The following HAUS8 variants were observed in gnomAD, a reference collection of about 807,000 sequenced individuals.
The protein encoded by HAUS8 is HAUS augmin-like complex subunit 8.
HAUS8 carries 38 observed loss-of-function variants against 42.9 expected under a neutral mutation model. That is an observed-to-expected ratio of 0.89 (90% CI 0.68 to 1.16). The LOEUF (loss-of-function observed/expected upper bound fraction) is 1.16, where lower values mean the gene tolerates loss of function less well. Among genes scored for constraint, HAUS8 ranks in the 50% most tolerant of loss-of-function variants. The pLI is 0.00. For missense variants in HAUS8, 494 were observed against 511.6 expected (o/e 0.97, Z 0.33); for synonymous variants, 199 against 205.8 (o/e 0.97, Z 0.28).
chr19:17,050,304 C>A (rs2057279576), intron 10 of HAUS8, 128 bp from the exon 11 acceptor site: 1 of 542,020 alleles, frequency 1.8e-6, no homozygotes, highest in Non-Finnish European at 2.9e-6. Flanking sequence ...TGGGAAAGGG[C>A]CAGCAAATAA....
intron 3 of HAUS8, among the ~76,000 whole-genome samples, chr19:17,064,986 C>T (rs1347322822): frequency 6.6e-6 from 1 of 152,148 alleles, no homozygotes; most frequent in Admixed American, 6.5e-5. Flanking sequence ...TAGAAAGCAC[C>T]CTCAAAACTC....
At chr19:17,056,374 ATTGACCC>A (rs2057326793) in intron 8 of HAUS8, among the ~76,000 whole-genome samples, 1 of 152,152 alleles carries the variant, frequency 6.6e-6, no homozygotes, top group East Asian at 1.9e-4. Context: ...ATGATATACG[ATTGACCC>A]TTGAGCAACA....
chr19:17,066,366 G>A (rs970024518), intron 3 of HAUS8, among the ~76,000 whole-genome samples: 1 of 152,172 alleles, frequency 6.6e-6, no homozygotes, highest in Non-Finnish European at 1.5e-5. Context: ...TGGGATTTCA[G>A]GCATGAGCCA....
chr19:17,067,707 CTGTT>C (rs773676751), intron 3 of HAUS8, among the ~76,000 whole-genome samples: 2 of 152,140 alleles, frequency 1.3e-5, no homozygotes, highest in Non-Finnish European at 2.9e-5. Flanking sequence ...AGAAGAGTAT[CTGTT>C]TGTGCAAAGG....
intron 4 of HAUS8, among the ~76,000 whole-genome samples, chr19:17,061,933 A>G (rs150919816): frequency 6.6e-6 from 1 of 152,294 alleles, no homozygotes; most frequent in Non-Finnish European, 1.5e-5. Context: ...CTGCTTCTCA[A>G]CCACGCCTGG....
At chr19:17,071,059 A>G (rs1320679697) in intron 2 of HAUS8, among the ~76,000 whole-genome samples, 1 of 121,150 alleles carries the variant, frequency 8.3e-6, no homozygotes. Context: ...ACAGAGTTAG[A>G]CTTTGTCTCA....
intron 3 of HAUS8, among the ~76,000 whole-genome samples, chr19:17,067,312 C>T (rs1425768971): frequency 6.6e-6 from 1 of 151,822 alleles, no homozygotes; most frequent in Non-Finnish European, 1.5e-5. Context: ...GGGCTACAAA[C>T]TGTGATGCCA....
chr19:17,049,916 T>C lies in HAUS8; in HGVS notation c.1190A>G (p.Glu397Gly). Residue 397 changes from glutamate to glycine, a missense_variant, in exon 11 of 11, where the codon GAA becomes GGA. Transcript: ENST00000253669. ...TGAACGAGAGAGAGAGGGCGGGACT[T>C]CTGCCTGGCTGCTTGAAGAAAAATC... ...SEDFSSSSQA[E>G]VPPSLSRSGR... 6.5e-7 allele frequency: 1 copy of C among 1,531,776 alleles called. No homozygotes were observed. Among genetic ancestry groups the C allele is most frequent in the African/African-American group, 1.4e-5 (1 of 72,514 alleles). The allele number at this position is 1,531,776 out of a possible 1,614,324, so 94.9% of individuals were successfully genotyped here. A position where few individuals can be genotyped will look rare whatever the true frequency, so the allele number is the denominator to read the frequency against.
intron 1 of HAUS8, 45 bp from the exon 2 acceptor site, chr19:17,073,380 A>C (rs1326136665): frequency 2.6e-6 from 4 of 1,566,484 alleles, no homozygotes; most frequent in Non-Finnish European, 1.8e-6. Flanking sequence ...ACTACCCAAG[A>C]AGCACAGGGA....
Position 17,069,092 on chromosome 19 carries a change from G to T in HAUS8, c.92-6C>A. 2 of 1,612,098 alleles carry T rather than the reference G, an allele frequency of 1.2e-6. No homozygotes were observed. Among genetic ancestry groups the T allele is most frequent in the Non-Finnish European group, 1.7e-6 (2 of 1,178,870 alleles). The stretch of plus-strand genomic sequence containing the variant: ...GGACTCAATCACTCTTCCACCTGTG[G>T]GGACACACTGTTGGTGCACAACAAA... On this transcript the variant is annotated splice_region_variant and splice_polypyrimidine_tract_variant and intron_variant, in intron 2 of 10. Transcript: ENST00000253669.
At chr19:17,068,944 G>T in intron 3 of HAUS8, 87 bp downstream of exon 3, 1 of 1,225,040 alleles carries the variant, frequency 8.2e-7, no homozygotes, top group Non-Finnish European at 1.2e-6. Context: ...ACCAGGTTGT[G>T]ACCACCTCCC....
chr19:17,058,667 T>C lies in HAUS8; in HGVS notation c.527A>G (p.Lys176Arg). 1 of 1,611,082 alleles carries C rather than the reference T, an allele frequency of 6.2e-7. No individual in the cohort carries two copies. Among genetic ancestry groups the C allele is most frequent in the Non-Finnish European group, 8.5e-7 (1 of 1,179,220 alleles). The change falls in exon 8 of 11, where the codon AAG (lysine) becomes AGG (arginine). Residue 176 changes from lysine to arginine, a missense_variant. By Grantham distance (26) the Lys-to-Arg change is conservative. Transcript: ENST00000253669. ...CTCCTTACACATTATTAATAAATTC[T>C]TTTCTGCCCTTCTTTCAAACTCAGC... is the stretch of plus-strand genomic sequence containing the variant. ...NLAEFERRAE[K>R]NLLIMCKEKE...
intron 8 of HAUS8, among the ~76,000 whole-genome samples, chr19:17,058,319 A>T (rs188667536): frequency 7.9e-5 from 12 of 152,384 alleles, no homozygotes; most frequent in Admixed American, 2.0e-4. Flanking sequence ...GCACAAGTGC[A>T]TAGAAGGTGC....
chr19:17,060,657 C>T (rs1483931961), intron 4 of HAUS8, among the ~76,000 whole-genome samples: 1 of 152,232 alleles, frequency 6.6e-6, no homozygotes, highest in Non-Finnish European at 1.5e-5. Flanking sequence ...ATCTATCCAC[C>T]TCGGCCTCCC....
chr19:17,068,303 G>A (rs539525109), intron 3 of HAUS8, among the ~76,000 whole-genome samples: 37 of 151,756 alleles, frequency 2.4e-4, no homozygotes, highest in Non-Finnish European at 3.7e-4. Context: ...TAGTTGAGAC[G>A]GGGTTTCGCC....
rs746381156 is a variant in HAUS8, at chr19:17,060,814, C to T, written c.230-722G>A. ...CTAAACTGTAAAATTAAGCCTTACA[C>T]TGTCTAAGATGGGCACTAGCATACA... is the stretch of plus-strand genomic sequence containing the variant. On this transcript the variant is annotated intron_variant, in intron 4 of 10. Coordinates refer to ENST00000253669, the MANE Select transcript of HAUS8 (RefSeq NM_033417.2). 2.6e-5 allele frequency among the ~76,000 whole-genome samples: 4 copies of T among 152,214 alleles called. No homozygotes were observed. The South Asian group carries it at 8.3e-4, about 32-fold the overall frequency.
intron 2 of HAUS8, 92 bp from the exon 3 acceptor site, chr19:17,069,178 G>C: frequency 9.1e-7 from 1 of 1,097,118 alleles, no homozygotes; most frequent in Non-Finnish European, 1.4e-6. Flanking sequence ...CCAGATGCCA[G>C]GGGCCCTCTC....
At chr19:17,059,081 C>T (rs759135315) in intron 6 of HAUS8, among the ~76,000 whole-genome samples, 1 of 152,208 alleles carries the variant, frequency 6.6e-6, no homozygotes, top group Non-Finnish European at 1.5e-5. Context: ...AGGTCCACAA[C>T]CTTCCTTCCC....
intron 10 of HAUS8, among the ~76,000 whole-genome samples, chr19:17,050,601 AT>A (rs1555795915): frequency 6.6e-6 from 1 of 152,050 alleles, no homozygotes; most frequent in East Asian, 1.9e-4. Flanking sequence ...CTATACAAAA[AT>A]TTTTTTAAAA....
Sources: allele counts gnomAD v4.1 joint callset (sites outside exome capture counted in the v4.1 genomes callset), GRCh38; gene constraint gnomAD v4.1.1; transcripts MANE v1.5; gene names NCBI Gene and HGNC (gene_info 2026-07-23, HGNC 2026-07-21).